Variants in SDK1 observed in about 807,000 individuals in gnomAD.
The protein encoded by SDK1 is protein sidekick-1.
In SDK1, 157 loss-of-function variants were observed where a neutral mutation model predicts 245.5. That is an observed-to-expected ratio of 0.64 (90% CI 0.56 to 0.73). The LOEUF (loss-of-function observed/expected upper bound fraction) is 0.73. Ranked by LOEUF, SDK1 falls within the 30% of genes least tolerant of loss-of-function variation. The pLI, the probability that SDK1 is intolerant of heterozygous loss-of-function variation, is 0.00. For synonymous variants in SDK1, 1,647 were observed against 1,278.5 expected (o/e 1.29, Z -6.15); for missense variants, 3,583 against 3,002.3 (o/e 1.19, Z -4.52).
rs79632474 is a variant in SDK1, at chr7:3,552,875, C to T, written c.299-66205C>T. Among the ~76,000 whole-genome samples, 8 of 152,264 alleles carry T rather than the reference C, an allele frequency of 5.3e-5. No homozygotes were observed. The South Asian group carries it at 1.7e-3, about 32-fold the overall frequency. ...AAGGTAAGTTGGGATCTTACTGTTG[C>T]ATAATTATGCTTTCCAGTTTATCTG... On this transcript the variant is annotated intron_variant, in intron 1 of 44. Transcript: ENST00000404826.
chr7:3,617,703 C>G (rs1022122241), intron 1 of SDK1, among the ~76,000 whole-genome samples: 2 of 152,162 alleles, frequency 1.3e-5, no homozygotes, highest in Non-Finnish European at 2.9e-5. Flanking sequence ...GCCCAACTTA[C>G]CCTTTTTATT....
At chr7:3,430,709 C>T (rs1779818555) in intron 1 of SDK1, among the ~76,000 whole-genome samples, 2 of 152,180 alleles carry the variant, frequency 1.3e-5, no homozygotes, top group African/African-American at 4.8e-5. Context: ...CGTTAGGTAT[C>T]CGTGGCTTGT....
At chr7:3,783,344 G>T (rs1297553766) in intron 4 of SDK1, among the ~76,000 whole-genome samples, 1 of 151,942 alleles carries the variant, frequency 6.6e-6, no homozygotes, top group African/African-American at 2.4e-5. Context: ...CATAGCATTG[G>T]AAGTCCTCAC....
intron 1 of SDK1, among the ~76,000 whole-genome samples, chr7:3,405,629 C>T (rs909091019): frequency 1.3e-5 from 2 of 151,860 alleles, no homozygotes; most frequent in East Asian, 1.9e-4. Context: ...GGATTTTGAG[C>T]AGGAGGTAGT....
At chr7:4,252,377 G>A (rs1787362283) in intron 44 of SDK1, among the ~76,000 whole-genome samples, 1 of 152,170 alleles carries the variant, frequency 6.6e-6, no homozygotes, top group Non-Finnish European at 1.5e-5. Context: ...ACCCTACAAA[G>A]GACATGAATT....
intron 4 of SDK1, among the ~76,000 whole-genome samples, chr7:3,764,558 T>A (rs929567473): frequency 6.6e-6 from 1 of 152,116 alleles, no homozygotes; most frequent in African/African-American, 2.4e-5. Context: ...TGGTGGCCCT[T>A]GTAATCCCAG....
intron 1 of SDK1, among the ~76,000 whole-genome samples, chr7:3,546,356 TCC>T (rs1779225343): frequency 6.6e-6 from 1 of 152,226 alleles, no homozygotes; most frequent in Non-Finnish European, 1.5e-5. Context: ...ATCCTCTGTT[TCC>T]ACCTTGTGGA....
In SDK1 at chr7:4,067,831, T is replaced by C. The variant is rs1411835782; in HGVS notation, c.2912-7T>C. ...TGTTAACAGATGACTTTGCTTTTAA[T>C]TGGTAGAACCAGGAGCTGTGGGACA... On this transcript the variant is annotated splice_polypyrimidine_tract_variant and splice_region_variant and intron_variant, in intron 19 of 44. Transcript: ENST00000404826. The C allele has an allele frequency of 5.6e-6, 9 of 1,608,600 alleles. No homozygotes were observed. Among genetic ancestry groups the C allele is most frequent in the Non-Finnish European group, 7.6e-6 (9 of 1,176,918 alleles).
At chr7:3,542,342 T>A (rs1158891790) in intron 1 of SDK1, among the ~76,000 whole-genome samples, 1 of 152,210 alleles carries the variant, frequency 6.6e-6, no homozygotes, top group Admixed American at 6.5e-5. Context: ...TGATTACATT[T>A]CAGAAGGGTC....
rs186397257 is a variant in SDK1, at chr7:3,702,663, G to T, written c.713+60558G>T. ...AGTGATGAGATGCCTCATGACCCGAGAAACCTGGCCTTGGCTGTTCCCCAT... is the reference window on the plus strand; with the variant it reads ...AGTGATGAGATGCCTCATGACCCGATAAACCTGGCCTTGGCTGTTCCCCAT... On this transcript the variant is annotated intron_variant, in intron 4 of 44. Coordinates refer to ENST00000404826, the MANE Select transcript of SDK1 (RefSeq NM_152744.4). 3.5e-3 allele frequency among the ~76,000 whole-genome samples: 532 copies of T among 152,302 alleles called. 4 individuals carry two copies. The highest frequency in any genetic ancestry group is 0.016 in the South Asian group (79 of 4,822).
At chr7:4,010,250 T>C (rs1437001958) in intron 14 of SDK1, among the ~76,000 whole-genome samples, 2 of 152,204 alleles carry the variant, frequency 1.3e-5, no homozygotes, top group East Asian at 1.9e-4. Flanking sequence ...GTCTACAAAA[T>C]GACTGGGCTG....
Position 3,780,717 on chromosome 7 carries a change from C to T in SDK1, c.714-40733C>T, listed in dbSNP as rs577398587. 1.4e-3 allele frequency among the ~76,000 whole-genome samples: 208 copies of T among 151,476 alleles called. 1 individual carries two copies. The highest frequency in any genetic ancestry group is 4.8e-3 in the African/African-American group (198 of 41,484). ...GCTGTGGCTCCACCTAGCTAGAAAG[C>T]CCACCCAACCACCCTGTGCAGGCAG... On this transcript the variant is annotated intron_variant, in intron 4 of 44. Transcript: ENST00000404826.
chr7:3,690,478 G>A (rs755510296), intron 4 of SDK1, among the ~76,000 whole-genome samples: 19 of 151,892 alleles, frequency 1.3e-4, no homozygotes, highest in South Asian at 4.2e-4. Context: ...CAAATTTTTC[G>A]TGTAGGGATT....
intron 40 of SDK1, chr7:4,227,549 AACT>A: frequency 2.3e-6 from 1 of 437,562 alleles, no homozygotes; most frequent in Non-Finnish European, 4.7e-6. Context: ...AGAAATAAAC[AACT>A]GACAGGCTTG....
intron 5 of SDK1, among the ~76,000 whole-genome samples, chr7:3,926,033 G>T (rs1046326387): frequency 2.0e-5 from 3 of 152,208 alleles, no homozygotes; most frequent in African/African-American, 4.8e-5. Context: ...GGCCTGTGAG[G>T]AGGATGTTGA....
intron 5 of SDK1, among the ~76,000 whole-genome samples, chr7:3,899,823 G>C (rs559560274): frequency 8.5e-4 from 129 of 152,344 alleles, no homozygotes; most frequent in African/African-American, 2.8e-3. Flanking sequence ...GGCGTTACCA[G>C]GCCCCTGCCA....
intron 1 of SDK1, among the ~76,000 whole-genome samples, chr7:3,478,557 A>T: frequency 6.6e-6 from 1 of 152,158 alleles, no homozygotes; most frequent in Non-Finnish European, 1.5e-5. Flanking sequence ...CACAAATTTT[A>T]TGTGTATCTA....
intron 1 of SDK1, among the ~76,000 whole-genome samples, chr7:3,463,211 C>A (rs536667051): frequency 1.3e-4 from 20 of 152,306 alleles, no homozygotes; most frequent in African/African-American, 4.6e-4. Flanking sequence ...TTTAGGTTTA[C>A]ATTTAATTTT....
intron 35 of SDK1, among the ~76,000 whole-genome samples, chr7:4,189,932 T>C (rs577562502): frequency 3.9e-5 from 6 of 152,284 alleles, no homozygotes; most frequent in Admixed American, 2.0e-4. Flanking sequence ...TCGTACAATA[T>C]GGGTCCCACC....
Sources: allele counts gnomAD v4.1 joint callset (sites outside exome capture counted in the v4.1 genomes callset), GRCh38; gene constraint gnomAD v4.1.1; transcripts MANE v1.5; gene names NCBI Gene and HGNC (gene_info 2026-07-23, HGNC 2026-07-21).